Variants in PPIL2 observed in about 807,000 individuals in gnomAD.
The protein encoded by PPIL2 is peptidylprolyl isomerase like 2.
In PPIL2, 50 loss-of-function variants were observed where a neutral mutation model predicts 75.2. That is an observed-to-expected ratio of 0.66 (90% CI 0.53 to 0.84). PPIL2 has a LOEUF of 0.84. Ranked by LOEUF, PPIL2 falls within the 40% of genes least tolerant of loss-of-function variation. The pLI is 0.00. For missense variants in PPIL2, 590 were observed against 685.0 expected, an observed-to-expected ratio of 0.86 and a Z score of 1.55; for synonymous variants, 245 against 258.8, an observed-to-expected ratio of 0.95 and a Z score of 0.51.
chr22:21,693,681 G>A (rs543093028), intron 15 of PPIL2, 135 bp from the exon 16 acceptor site: 28 of 901,820 alleles, frequency 3.1e-5, no homozygotes, highest in Admixed American at 5.5e-5. Context: ...AGGGAACCAC[G>A]TGCACACATG....
chr22:21,670,639 C>G, intron 3 of PPIL2, 28 bp downstream of exon 3: 3 of 1,586,042 alleles, frequency 1.9e-6, no homozygotes, highest in Non-Finnish European at 2.6e-6. Flanking sequence ...TTACCTTTCC[C>G]TTGTAATTGT....
chr22:21,685,105 T>C (rs2067302630), intron 10 of PPIL2, among the ~76,000 whole-genome samples, 192 bp downstream of exon 10: 1 of 152,144 alleles, frequency 6.6e-6, no homozygotes. Flanking sequence ...CTGAGGCAGA[T>C]AGAATCTGAG....
In PPIL2 at chr22:21,686,576, T is replaced by A; in HGVS notation, c.790+18T>A. On this transcript the variant is annotated intron_variant, in intron 11 of 19. Transcript: ENST00000398831. ...TGAAGCAGGTAGCCACCTTGGCCTC[T>A]GTAGCCACCTGCCATGTGACCCAAA... The A allele has an allele frequency of 6.2e-7, 1 of 1,610,794 alleles. No individual in the cohort carries two copies. Among genetic ancestry groups the A allele is most frequent in the Non-Finnish European group, 8.5e-7 (1 of 1,177,102 alleles).
chr22:21,694,877 A>C, intron 18 of PPIL2, 60 bp downstream of exon 18: 9 of 1,593,742 alleles, frequency 5.6e-6, no homozygotes, highest in Non-Finnish European at 7.7e-6. Context: ...TTCCACCCCA[A>C]GCCTAGCATC....
intron 1 of PPIL2, among the ~76,000 whole-genome samples, chr22:21,666,441 T>C (rs1384392080): frequency 6.6e-6 from 1 of 152,198 alleles, no homozygotes; most frequent in East Asian, 1.9e-4. Flanking sequence ...AGTCTCTACC[T>C]CTTCCGTACT....
Position 21,695,047 on chromosome 22 carries a change from C to T in PPIL2, c.1443C>T (p.Gly481=). 6.2e-7 allele frequency: 1 copy of T among 1,609,786 alleles called. No individual in the cohort carries two copies. The highest frequency in any genetic ancestry group is 8.5e-7 in the Non-Finnish European group (1 of 1,179,544). Residue 481 remains glycine, a synonymous_variant, in exon 19 of 20, where the codon GGC becomes GGT. Transcript: ENST00000398831. ...QGPQTFRQGV[G]KYINPAATKR... ...CCCAGACCTTCCGCCAGGGCGTGGG[C>T]AAGTACATCAACCCAGCAGCCACGT...
intron 6 of PPIL2, among the ~76,000 whole-genome samples, chr22:21,675,638 C>T (rs961980636): frequency 1.3e-5 from 2 of 152,196 alleles, no homozygotes; most frequent in African/African-American, 2.4e-5. Flanking sequence ...CCCACAAAGG[C>T]GATCAGGCCA....
Position 21,696,535 on chromosome 22 carries a change from T to TAA in PPIL2, c.*1047_*1048dup. On this transcript the variant is annotated 3_prime_UTR_variant, in exon 20 of 20. Coordinates refer to ENST00000398831, the MANE Select transcript of PPIL2 (RefSeq NM_014337.4). ...CCTCCCTCAACCCCCATTTTTCTGT[T>TAA]AAATGTGCCCCTGGCTGGCTTTTTC... 2.2e-6 allele frequency: 3 copies of TAA among 1,345,714 alleles called. No homozygotes were observed. The highest frequency in any genetic ancestry group is 1.9e-6 in the Non-Finnish European group (2 of 1,044,292). 83.4% of individuals were successfully genotyped at this position (1,345,714 alleles called of 1,614,324 possible).
At position 21,668,920 on chromosome 22, in the gene PPIL2, C is replaced by T. The variant is rs531299026; in HGVS notation, c.33-993C>T. On this transcript the variant is annotated intron_variant, in intron 1 of 19. Transcript: ENST00000398831. ...TAGAGACGGGGTTTCACTGTGTTAG[C>T]CAGGATGGTCTCCATCTCCTGACCT... 7.2e-3 allele frequency among the ~76,000 whole-genome samples: 1,092 copies of T among 151,888 alleles called. 7 individuals carry two copies. Among genetic ancestry groups the T allele is most frequent in the Non-Finnish European group, 0.011 (718 of 67,948 alleles).
Position 21,682,463 on chromosome 22 carries a change from C to T in PPIL2, c.414C>T (p.Ala138=). The T allele has an allele frequency of 1.9e-6, 3 of 1,614,026 alleles. No homozygotes were observed. Among genetic ancestry groups the T allele is most frequent in the Non-Finnish European group, 2.5e-6 (3 of 1,179,982 alleles). The change falls in exon 8 of 20, where the codon GCC becomes GCT. Residue 138 remains alanine (A), a synonymous_variant. Transcript: ENST00000398831. ...CAGTGGAACAGCTAAATATCAAGGC[C>T]AAGAACTTCCGGGACCTGCTGACCG... ...YEAVEQLNIK[A]KNFRDLLTDE...
At chr22:21,675,381 C>T (rs534252275) in intron 6 of PPIL2, among the ~76,000 whole-genome samples, 1 of 152,128 alleles carries the variant, frequency 6.6e-6, no homozygotes, top group Non-Finnish European at 1.5e-5. Context: ...ACTAAAAATA[C>T]AAAAATTAGC....
chr22:21,696,638 C>T lies in PPIL2; in HGVS notation c.*1148C>T, dbSNP rs748791863. 921 of 1,510,062 alleles carry T rather than the reference C, an allele frequency of 6.1e-4. No homozygotes were observed. Among genetic ancestry groups the T allele is most frequent in the Non-Finnish European group, 7.5e-4 (851 of 1,133,338 alleles). The allele number at this position is 1,510,062 out of a possible 1,614,324, so 93.5% of individuals were successfully genotyped here. ...TGCCTGACACTTGCCTCTTGGGCTC[C>T]CTGTTGCCCTCAGGCCACCCCCCAC... On this transcript the variant is annotated 3_prime_UTR_variant, in exon 20 of 20. Transcript: ENST00000398831.
At chr22:21,688,961 G>A (rs1422721266) in intron 15 of PPIL2, 112 bp downstream of exon 15, 23 of 1,038,374 alleles carry the variant, frequency 2.2e-5, no homozygotes, top group Non-Finnish European at 2.9e-5. Flanking sequence ...ATACCCAGAC[G>A]GTGTACGGCA....
chr22:21,672,466 C>A, intron 5 of PPIL2, 85 bp downstream of exon 5: 1 of 1,376,866 alleles, frequency 7.3e-7, no homozygotes, highest in Non-Finnish European at 1.0e-6. Context: ...TTCATGAACA[C>A]AGGAACATGG....
intron 10 of PPIL2, chr22:21,685,660 T>C (rs1308219251): frequency 2.2e-6 from 1 of 452,796 alleles, no homozygotes. Flanking sequence ...TTGTCTAAGC[T>C]GGTCTTGAAT....
At chr22:21,683,873 A>G (rs1271555780) in intron 9 of PPIL2, among the ~76,000 whole-genome samples, 2 of 152,258 alleles carry the variant, frequency 1.3e-5, no homozygotes, top group African/African-American at 2.4e-5. Context: ...AAGACCCCCA[A>G]ACACTTCTAT....
At chr22:21,677,179 G>A (rs1383113770) in intron 6 of PPIL2, among the ~76,000 whole-genome samples, 53 of 151,618 alleles carry the variant, frequency 3.5e-4, no homozygotes, top group South Asian at 4.2e-4. Flanking sequence ...CAGACGGGGC[G>A]GCCAGGCAGA....
intron 10 of PPIL2, chr22:21,685,631 GA>G (rs780699720): frequency 2.3e-4 from 105 of 448,288 alleles, no homozygotes; most frequent in Middle Eastern, 1.8e-3. Context: ...TTTTCTTTTG[GA>G]AACAGGATCT....
chr22:21,683,064 C>A, intron 8 of PPIL2, 118 bp from the exon 9 acceptor site: 1 of 878,000 alleles, frequency 1.1e-6, no homozygotes, highest in Non-Finnish European at 1.9e-6. Context: ...ACTCCCCCAA[C>A]CTCAGTGTAG....
Sources: allele counts gnomAD v4.1 joint callset (sites outside exome capture counted in the v4.1 genomes callset), GRCh38; gene constraint gnomAD v4.1.1; transcripts MANE v1.5; gene names NCBI Gene and HGNC (gene_info 2026-07-23, HGNC 2026-07-21).